TSNARE1: variants seen among roughly 807,000 people sequenced by gnomAD.
The protein encoded by TSNARE1 is t-SNARE domain containing 1, also known as t-SNARE domain-containing protein 1.
A neutral mutation model predicts 62.0 loss-of-function variants in TSNARE1; 49 were observed. The observed-to-expected ratio is 0.79, with a 90% CI of 0.63 to 1.00. TSNARE1 has a LOEUF of 1.00. Among genes scored for constraint, TSNARE1 ranks in the 50% least tolerant of loss-of-function variants. The pLI, the probability that TSNARE1 is intolerant of heterozygous loss-of-function variation, is 0.00. For missense variants in TSNARE1, 755 were observed against 700.1 expected, an observed-to-expected ratio of 1.08 and a Z score of -0.88; for synonymous variants, 328 against 294.4, an observed-to-expected ratio of 1.11 and a Z score of -1.17.
intron 9 of TSNARE1, among the ~76,000 whole-genome samples, chr8:142,301,868 G>A (rs1228792495): frequency 6.6e-6 from 1 of 152,202 alleles, no homozygotes; most frequent in African/African-American, 2.4e-5. Context: ...GGTGGGGCTG[G>A]CACCATGCTA....
chr8:142,229,397 G>T, intron 13 of TSNARE1, 76 bp downstream of exon 13: 1 of 1,183,610 alleles, frequency 8.4e-7, no homozygotes, highest in Non-Finnish European at 1.3e-6. Flanking sequence ...ATGGTTAGAT[G>T]GATGGTGGAT....
Position 142,284,287 on chromosome 8 carries a change from C to A in TSNARE1, c.1363+126G>T, listed in dbSNP as rs551162161. On this transcript the variant is annotated intron_variant, in intron 11 of 13. Coordinates refer to ENST00000524325, the MANE Select transcript of TSNARE1 (RefSeq NM_145003.5). ...GAGGGAGCAGATGCTCAGACCTGGA[C>A]CCCAGCCTGGGCCTGGCTCCTCTTA... The A allele has an allele frequency of 1.2e-4, 85 of 728,864 alleles. 2 individuals carry two copies. The South Asian group carries it at 1.4e-3, about 12-fold the overall frequency. The allele number at this position is 728,864 out of a possible 1,614,324, so 45.1% of individuals were successfully genotyped here.
chr8:142,382,331 G>A (rs527808860), intron 1 of TSNARE1, among the ~76,000 whole-genome samples: 41 of 152,266 alleles, frequency 2.7e-4, no homozygotes, highest in African/African-American at 8.2e-4. Flanking sequence ...GATCGCTAAC[G>A]GCACAAATGG....
intron 12 of TSNARE1, chr8:142,271,544 G>T: frequency 5.8e-6 from 8 of 1,379,790 alleles, no homozygotes; most frequent in Non-Finnish European, 7.5e-6. Context: ...TGGTGGGGTG[G>T]AGGCTGGGGA....
chr8:142,364,444 G>A (rs1835392453), intron 1 of TSNARE1, among the ~76,000 whole-genome samples: 1 of 152,160 alleles, frequency 6.6e-6, no homozygotes. Context: ...GTGTGTACAT[G>A]ACAGACATCT....
At chr8:142,369,301 C>T (rs1587046287) in intron 1 of TSNARE1, among the ~76,000 whole-genome samples, 1 of 152,204 alleles carries the variant, frequency 6.6e-6, no homozygotes, top group Non-Finnish European at 1.5e-5. Context: ...GCAACAAAAC[C>T]CGAATCCAGG....
At position 142,278,831 on chromosome 8, in the gene TSNARE1, G is replaced by A. The variant is rs1030890211; in HGVS notation, c.1364-3968C>T. ...CCAGAGGGAGGGGCCTGCAGAAGGA[G>A]GGGGAGGCCACTGCAGGCCAGAGTG... On this transcript the variant is annotated intron_variant, in intron 11 of 13. Coordinates refer to ENST00000524325, the MANE Select transcript of TSNARE1 (RefSeq NM_145003.5). The A allele has an allele frequency of 9.2e-6, 9 of 981,132 alleles. No individual in the cohort carries two copies. The African/African-American group carries it at 1.4e-4, about 15-fold the overall frequency. The allele number at this position is 981,132 out of a possible 1,614,324, so 60.8% of individuals were successfully genotyped here.
intron 12 of TSNARE1, among the ~76,000 whole-genome samples, chr8:142,247,276 C>T (rs1817925792): frequency 6.6e-6 from 1 of 152,324 alleles, no homozygotes; most frequent in Middle Eastern, 3.4e-3. Context: ...GGCGCTACTG[C>T]CCGAGGCTCG....
intron 4 of TSNARE1, among the ~76,000 whole-genome samples, chr8:142,335,075 T>C (rs1831564525): frequency 1.3e-5 from 2 of 152,250 alleles, no homozygotes; most frequent in Admixed American, 6.5e-5. Flanking sequence ...TCCGTAACTA[T>C]GTGCCGGGGT....
At chr8:142,383,480 G>A (rs922042621) in intron 1 of TSNARE1, among the ~76,000 whole-genome samples, 4 of 152,168 alleles carry the variant, frequency 2.6e-5, no homozygotes, top group Non-Finnish European at 4.4e-5. Flanking sequence ...AGCACAGCTG[G>A]CCAGGCGCTG....
At chr8:142,383,041 G>A (rs1836880731) in intron 1 of TSNARE1, among the ~76,000 whole-genome samples, 1 of 152,170 alleles carries the variant, frequency 6.6e-6, no homozygotes, top group Non-Finnish European at 1.5e-5. Context: ...ACCCTCTCTG[G>A]AGAAGGGCAC....
chr8:142,267,222 G>A (rs900446467), intron 12 of TSNARE1, among the ~76,000 whole-genome samples: 24 of 152,168 alleles, frequency 1.6e-4, no homozygotes, highest in African/African-American at 5.6e-4. Flanking sequence ...ATTTCCAACT[G>A]GAGGCCCAAA....
Position 142,330,764 on chromosome 8 carries a change from G to A in TSNARE1, c.893+137C>T, listed in dbSNP as rs75609552. 6,630 of 804,536 alleles carry A rather than the reference G, an allele frequency of 8.2e-3. 43 individuals are homozygous for A. The highest frequency in any genetic ancestry group is 0.022 in the African/African-American group (1,299 of 59,608). 49.8% of individuals were successfully genotyped at this position (804,536 alleles called of 1,614,324 possible). On this transcript the variant is annotated intron_variant, in intron 6 of 13. Transcript: ENST00000524325. ...TCCGCAGGCGTGTGTGCATATGTGC[G>A]CACATGTGTGTCCAGGCAGCTGTGC...
chr8:142,350,258 A>C (rs1314950910), intron 2 of TSNARE1, among the ~76,000 whole-genome samples: 1 of 152,216 alleles, frequency 6.6e-6, no homozygotes, highest in Admixed American at 6.5e-5. Flanking sequence ...CGGCTTCTGC[A>C]TCTGCATCTT....
upstream of TSNARE1, chr8:142,405,291 T>C (rs959830461): frequency 6.6e-6 from 1 of 152,130 alleles, no homozygotes; most frequent in Non-Finnish European, 1.5e-5. Context: ...GAAGAGGTCA[T>C]CACATGACCT....
At chr8:142,271,628 C>A (rs1376386943) in intron 12 of TSNARE1, 1 of 1,428,368 alleles carries the variant, frequency 7.0e-7, no homozygotes, top group South Asian at 1.5e-5. Flanking sequence ...TTCAGGCAGG[C>A]TGGGCCCTTC....
intron 12 of TSNARE1, among the ~76,000 whole-genome samples, chr8:142,268,466 C>T (rs1286688079): frequency 6.6e-6 from 1 of 152,184 alleles, no homozygotes; most frequent in South Asian, 2.1e-4. Context: ...GCCAAATCGC[C>T]TTGGAGGCCT....
At chr8:142,280,065 C>G in intron 11 of TSNARE1, 2 of 1,234,434 alleles carry the variant, frequency 1.6e-6, no homozygotes, top group Non-Finnish European at 2.1e-6. Context: ...CGTTCACTGC[C>G]TGCAGGATGC....
intron 9 of TSNARE1, among the ~76,000 whole-genome samples, chr8:142,305,565 C>T (rs1312437498): frequency 2.6e-5 from 4 of 152,152 alleles, no homozygotes; most frequent in Non-Finnish European, 5.9e-5. Flanking sequence ...GGCCTGGTGC[C>T]GCTCTCCCCA....
Sources: allele counts gnomAD v4.1 joint callset (sites outside exome capture counted in the v4.1 genomes callset), GRCh38; gene constraint gnomAD v4.1.1; transcripts MANE v1.5; gene names NCBI Gene and HGNC (gene_info 2026-07-23, HGNC 2026-07-21).